NUAK1: variants seen among roughly 807,000 people sequenced by gnomAD.
The protein encoded by NUAK1 is NUAK family kinase 1.
Under a neutral mutation model 56.9 loss-of-function variants are expected in NUAK1, and 26 were observed. The observed-to-expected ratio is 0.46, with a 90% CI of 0.33 to 0.63. The LOEUF (loss-of-function observed/expected upper bound fraction) is 0.63. Among genes scored for constraint, NUAK1 ranks in the 30% least tolerant of loss-of-function variants. The pLI, the probability that NUAK1 is intolerant of heterozygous loss-of-function variation, is 0.02. For missense variants in NUAK1, 727 were observed against 876.1 expected (o/e 0.83, Z 2.15); for synonymous variants, 337 against 336.0 (o/e 1.00, Z -0.03).
chr12:106,116,369 A>G (rs1279962092), intron 1 of NUAK1, among the ~76,000 whole-genome samples: 1 of 152,190 alleles, frequency 6.6e-6, no homozygotes, highest in Non-Finnish European at 1.5e-5. Context: ...AATGGAGACA[A>G]TAACAGTGCC....
rs761217171 is a variant in NUAK1, at chr12:106,065,224, T to A, written c.*1578A>T. ...ACCAGGAAGTACAAACCTAGTATCA[T>A]GAAGGTGTCCCATGGTTGGAGTGGC... On this transcript the variant is annotated 3_prime_UTR_variant, in exon 7 of 7. Coordinates refer to ENST00000261402, the MANE Select transcript of NUAK1 (RefSeq NM_014840.3). 2 of 152,256 alleles carry A rather than the reference T, an allele frequency of 1.3e-5. No homozygotes were observed. The highest frequency in any genetic ancestry group is 3.8e-4 in the East Asian group (2 of 5,198). The allele number at this position is 152,256 out of a possible 1,614,324, so 9.4% of individuals were successfully genotyped here.
intron 1 of NUAK1, among the ~76,000 whole-genome samples, chr12:106,109,118 A>G (rs539530967): frequency 6.6e-6 from 1 of 152,120 alleles, no homozygotes; most frequent in South Asian, 2.1e-4. Context: ...GCTAGAAATC[A>G]CTCTCATCTG....
chr12:106,089,485 T>C (rs2032612660), intron 2 of NUAK1, among the ~76,000 whole-genome samples: 1 of 152,228 alleles, frequency 6.6e-6, no homozygotes. Flanking sequence ...CTACTGATCC[T>C]GTCTCTACAA....
At chr12:106,078,375 G>T (rs116215376) in intron 4 of NUAK1, among the ~76,000 whole-genome samples, 2,214 of 152,338 alleles carry the variant, frequency 0.015, 59 homozygotes, top group African/African-American at 0.05. Context: ...TTATTTTGCA[G>T]ATAAGAAAAC....
intron 4 of NUAK1, among the ~76,000 whole-genome samples, chr12:106,076,449 C>T (rs945326191): frequency 6.6e-6 from 1 of 152,164 alleles, no homozygotes; most frequent in African/African-American, 2.4e-5. Flanking sequence ...ACCTAGCTGG[C>T]ATTTTTGCTT....
intron 3 of NUAK1, among the ~76,000 whole-genome samples, chr12:106,085,901 C>G (rs938496072): frequency 6.6e-6 from 1 of 152,108 alleles, no homozygotes; most frequent in East Asian, 1.9e-4. Flanking sequence ...AAAGATGGAT[C>G]TTGCTATGTT....
chr12:106,110,128 G>A (rs2032843718), intron 1 of NUAK1, among the ~76,000 whole-genome samples: 1 of 152,126 alleles, frequency 6.6e-6, no homozygotes, highest in South Asian at 2.1e-4. Flanking sequence ...CAGACAGGAG[G>A]ATGAACATCT....
intron 1 of NUAK1, among the ~76,000 whole-genome samples, chr12:106,124,998 A>G (rs888597009): frequency 7.6e-5 from 10 of 132,006 alleles, no homozygotes; most frequent in Non-Finnish European, 1.6e-4. Flanking sequence ...CTCCATCTCA[A>G]TAAATAAATA....
rs777507454 is a variant in NUAK1, at chr12:106,138,370, G to A, written c.240+44C>T. ...TCGCACGCCCTCAGTCCCCGGCCGC[G>A]TCCACCCAGCGCCCCCCGCACCCTC... On this transcript the variant is annotated intron_variant, in intron 1 of 6. Transcript: ENST00000261402. This position sits in a 1 kb window ranked among gnomAD's most constrained non-coding sequence, Gnocchi z 5.0. The A allele has an allele frequency of 1.3e-6, 2 of 1,557,240 alleles. No individual in the cohort carries two copies. Among genetic ancestry groups the A allele is most frequent in the Non-Finnish European group, 8.6e-7 (1 of 1,157,414 alleles).
At chr12:106,118,678 C>T (rs776468609) in intron 1 of NUAK1, among the ~76,000 whole-genome samples, 29 of 152,330 alleles carry the variant, frequency 1.9e-4, no homozygotes, top group Non-Finnish European at 2.1e-4. Context: ...TGCGGAACCC[C>T]GCCAAGCTGC....
chr12:106,067,057 C>T lies in NUAK1; in HGVS notation c.1731G>A (p.Val577=), dbSNP rs1309899057. 3.0e-5 allele frequency: 49 copies of T among 1,614,112 alleles called. No homozygotes were observed. Among genetic ancestry groups the T allele is most frequent in the Non-Finnish European group, 4.0e-5 (47 of 1,180,038 alleles). ...RPSSVISDDS[V]LSSDSFDLLD... is the part of the protein sequence containing the mutation. ...GCAAGTCAAAAGAGTCGCTGGACAG[C>T]ACGCTGTCATCGCTGATGACACTGG... Residue 577 remains valine (V), a synonymous_variant, in exon 7 of 7, where the codon GTG becomes GTA. Coordinates refer to ENST00000261402, the MANE Select transcript of NUAK1 (RefSeq NM_014840.3). The surrounding 1 kb of genome is among the most constrained non-coding windows in gnomAD (Gnocchi z 6.0).
intron 2 of NUAK1, among the ~76,000 whole-genome samples, chr12:106,087,446 C>T (rs1026837298): frequency 6.6e-6 from 1 of 152,176 alleles, no homozygotes; most frequent in Non-Finnish European, 1.5e-5. Flanking sequence ...TTTATTTATT[C>T]TGTCTCCCCC....
intron 4 of NUAK1, among the ~76,000 whole-genome samples, chr12:106,077,102 T>C (rs1048368388): frequency 2.6e-5 from 4 of 152,194 alleles, no homozygotes; most frequent in Admixed American, 6.5e-5. Context: ...CATTAACTGA[T>C]AGGAAAGGAT....
At chr12:106,134,959 G>T (rs2033115544) in intron 1 of NUAK1, among the ~76,000 whole-genome samples, 2 of 152,114 alleles carry the variant, frequency 1.3e-5, no homozygotes, top group Non-Finnish European at 2.9e-5. Flanking sequence ...ATGATACAAT[G>T]CATTGTCTCT....
chr12:106,111,822 A>T (rs2032861763), intron 1 of NUAK1, among the ~76,000 whole-genome samples: 1 of 151,446 alleles, frequency 6.6e-6, no homozygotes, highest in Non-Finnish European at 1.5e-5. Context: ...TATCTCATTT[A>T]AGCCTACCTA....
At chr12:106,088,797 A>G (rs2032602089) in intron 2 of NUAK1, among the ~76,000 whole-genome samples, 1 of 152,222 alleles carries the variant, frequency 6.6e-6, no homozygotes, top group Non-Finnish European at 1.5e-5. Context: ...CATTCAATGA[A>G]GAACTGAGTT....
chr12:106,108,299 AAC>A (rs2032823820), intron 1 of NUAK1, among the ~76,000 whole-genome samples: 1 of 152,156 alleles, frequency 6.6e-6, no homozygotes, highest in Admixed American at 6.5e-5. Context: ...ACAAATATAA[AAC>A]ACAGGGGGCC....
At chr12:106,076,425 G>A (rs1426045144) in intron 4 of NUAK1, among the ~76,000 whole-genome samples, 1 of 152,148 alleles carries the variant, frequency 6.6e-6, no homozygotes, top group African/African-American at 2.4e-5. Context: ...GGCAAGCTTT[G>A]GAGAAAGGTA....
At chr12:106,104,499 G>A (rs1472470883) in intron 2 of NUAK1, among the ~76,000 whole-genome samples, 2 of 152,176 alleles carry the variant, frequency 1.3e-5, no homozygotes, top group African/African-American at 2.4e-5. Context: ...GTAGACTAGT[G>A]GTTCTCAAAT....
Sources: gnomAD v4.1 joint callset for allele counts (sites outside exome capture counted in the v4.1 genomes callset) on GRCh38, gnomAD v4.1.1 for gene constraint, Gnocchi (gnomAD v3.1) non-coding constraint, MANE v1.5 for transcripts, NCBI Gene and HGNC (gene_info 2026-07-23, HGNC 2026-07-21) for gene names.